Variants in NXPH1 observed in about 807,000 individuals in gnomAD.
The protein encoded by NXPH1 is neurexophilin-1.
A neutral mutation model predicts 23.7 loss-of-function variants in NXPH1; 5 were observed. The ratio of observed to expected loss-of-function variants is 0.21; its 90% confidence interval spans 0.11 to 0.44. The LOEUF is 0.44. NXPH1 is among the 20% of genes least tolerant of loss of function. NXPH1 has a pLI of 0.99. For synonymous variants in NXPH1, 144 were observed against 122.2 expected, an observed-to-expected ratio of 1.18 and a Z score of -1.18; for missense variants, 324 against 321.6, an observed-to-expected ratio of 1.01 and a Z score of -0.06.
At chr7:8,468,572 A>G (rs568457829) in intron 2 of NXPH1, among the ~76,000 whole-genome samples, 30 of 152,158 alleles carry the variant, frequency 2.0e-4, no homozygotes, top group African/African-American at 7.0e-4. Flanking sequence ...TTTTTCATCA[A>G]TACTCAACCA....
chr7:8,603,101 G>A (rs1008064276), intron 2 of NXPH1, among the ~76,000 whole-genome samples: 9 of 152,046 alleles, frequency 5.9e-5, no homozygotes, highest in South Asian at 4.1e-4. Context: ...GTGAGCCACC[G>A]TGCTCTGTCT....
At chr7:8,524,474 C>T (rs1817830916) in intron 2 of NXPH1, among the ~76,000 whole-genome samples, 1 of 152,094 alleles carries the variant, frequency 6.6e-6, no homozygotes, top group Admixed American at 6.6e-5. Context: ...TCCTTACTTA[C>T]ACTGACTGAC....
intron 2 of NXPH1, among the ~76,000 whole-genome samples, chr7:8,659,320 C>T (rs1316850415): frequency 6.6e-6 from 1 of 152,178 alleles, no homozygotes; most frequent in Non-Finnish European, 1.5e-5. Context: ...GTTTCTCAGA[C>T]CCTCTATTAA....
intron 2 of NXPH1, among the ~76,000 whole-genome samples, chr7:8,652,992 C>T (rs1480131178): frequency 6.6e-6 from 1 of 152,126 alleles, no homozygotes; most frequent in Non-Finnish European, 1.5e-5. Context: ...CTCCCACCTC[C>T]ACCCTATTTT....
chr7:8,729,498 C>T (rs994063879), intron 2 of NXPH1, among the ~76,000 whole-genome samples: 2 of 137,952 alleles, frequency 1.4e-5, no homozygotes, highest in African/African-American at 5.9e-5. Context: ...TCTCCCTCTA[C>T]ACACTGCTTT....
chr7:8,673,009 A>G (rs959973496), intron 2 of NXPH1, among the ~76,000 whole-genome samples: 3 of 152,176 alleles, frequency 2.0e-5, no homozygotes, highest in Non-Finnish European at 2.9e-5. Flanking sequence ...ACATATCTCC[A>G]TCTAAAACAC....
At chr7:8,630,691 G>C (rs1344110815) in intron 2 of NXPH1, among the ~76,000 whole-genome samples, 1 of 152,076 alleles carries the variant, frequency 6.6e-6, no homozygotes, top group East Asian at 1.9e-4. Context: ...ATACTACTGA[G>C]CCAAAGTCAA....
chr7:8,741,755 C>G (rs1479666333), intron 2 of NXPH1, among the ~76,000 whole-genome samples: 2 of 152,124 alleles, frequency 1.3e-5, no homozygotes, highest in African/African-American at 4.8e-5. Context: ...AAAGGAATCT[C>G]TGAGTGCCAT....
chr7:8,587,561 G>T (rs943967693), intron 2 of NXPH1, among the ~76,000 whole-genome samples: 1 of 152,060 alleles, frequency 6.6e-6, no homozygotes, highest in African/African-American at 2.4e-5. Flanking sequence ...AGGCATACAC[G>T]TGTCATGGTG....
chr7:8,568,800 TA>T (rs572703029), intron 2 of NXPH1, among the ~76,000 whole-genome samples: 1 of 151,866 alleles, frequency 6.6e-6, no homozygotes, highest in South Asian at 2.1e-4. Flanking sequence ...CTTAAATGGG[TA>T]GTATTTTCTA....
intron 2 of NXPH1, among the ~76,000 whole-genome samples, chr7:8,580,387 T>C (rs1818842564): frequency 1.3e-5 from 2 of 152,060 alleles, no homozygotes; most frequent in Non-Finnish European, 2.9e-5. Context: ...CACTTACTCT[T>C]GGCAGAAAAA....
At chr7:8,709,337 T>A (rs1467825280) in intron 2 of NXPH1, among the ~76,000 whole-genome samples, 2 of 152,190 alleles carry the variant, frequency 1.3e-5, no homozygotes, top group Non-Finnish European at 2.9e-5. Flanking sequence ...TTTAAAATTG[T>A]TAAATGGTGT....
intron 2 of NXPH1, among the ~76,000 whole-genome samples, chr7:8,490,730 G>A (rs1584190412): frequency 1.3e-5 from 2 of 151,982 alleles, no homozygotes; most frequent in Non-Finnish European, 2.9e-5. Context: ...TTTTAAAATG[G>A]CAATAAATAT....
intron 2 of NXPH1, among the ~76,000 whole-genome samples, chr7:8,738,361 C>G (rs969815593): frequency 1.3e-5 from 2 of 152,116 alleles, no homozygotes; most frequent in Non-Finnish European, 2.9e-5. Flanking sequence ...ATTAGTTTTC[C>G]TTCTAACAGT....
intron 2 of NXPH1, among the ~76,000 whole-genome samples, chr7:8,487,646 T>C (rs898909692): frequency 5.3e-5 from 8 of 152,168 alleles, no homozygotes; most frequent in African/African-American, 1.9e-4. Context: ...TGTAACACTT[T>C]TAAGTGTCTT....
intron 2 of NXPH1, among the ~76,000 whole-genome samples, chr7:8,687,920 G>A (rs956254922): frequency 6.6e-6 from 1 of 152,096 alleles, no homozygotes; most frequent in Non-Finnish European, 1.5e-5. Context: ...ATCAGGCTCT[G>A]TTGCTTTTTT....
chr7:8,621,368 A>G (rs1378010573), intron 2 of NXPH1, among the ~76,000 whole-genome samples: 1 of 152,212 alleles, frequency 6.6e-6, no homozygotes, highest in East Asian at 1.9e-4. Flanking sequence ...GGGTTGCAGC[A>G]GAGGAGTTAG....
In NXPH1 at chr7:8,646,682, T is replaced by C. The variant is rs187084390; in HGVS notation, c.55-104326T>C. On this transcript the variant is annotated intron_variant, in intron 2 of 2. Transcript: ENST00000405863. ...ATTTTATAATATGTTTTTCCTATTC[T>C]ATCAAGGTGATCATATAATTTTTCT... is the stretch of plus-strand genomic sequence containing the variant. 2.7e-4 allele frequency among the ~76,000 whole-genome samples: 41 copies of C among 152,266 alleles called. No homozygotes were observed. The East Asian group carries it at 7.9e-3, about 29-fold the overall frequency.
intron 2 of NXPH1, among the ~76,000 whole-genome samples, chr7:8,457,299 ACAAT>A (rs1816613266): frequency 6.6e-6 from 1 of 152,152 alleles, no homozygotes; most frequent in African/African-American, 2.4e-5. Context: ...AATGTCTCAG[ACAAT>A]CAGAGAGCCT....
Sources: allele counts gnomAD v4.1 joint callset (sites outside exome capture counted in the v4.1 genomes callset), GRCh38; gene constraint gnomAD v4.1.1; transcripts MANE v1.5; gene names NCBI Gene and HGNC (gene_info 2026-07-23, HGNC 2026-07-21).